CCNH: variants seen among roughly 807,000 people sequenced by gnomAD.
CCNH encodes the protein cyclin H.
A neutral mutation model predicts 41.9 loss-of-function variants in CCNH; 31 were observed. The observed-to-expected ratio is 0.74, with a 90% CI of 0.56 to 1.00. The LOEUF is 1.00. Among genes scored for constraint, CCNH ranks in the 50% least tolerant of loss-of-function variants. CCNH has a pLI of 0.00. For synonymous variants in CCNH, 138 were observed against 136.1 expected, an observed-to-expected ratio of 1.01 and a Z score of -0.10; for missense variants, 362 against 388.4, an observed-to-expected ratio of 0.93 and a Z score of 0.57.
downstream of CCNH, chr5:87,389,409 C>T (rs772714180): frequency 8.1e-6 from 13 of 1,613,942 alleles, no homozygotes; most frequent in East Asian, 6.7e-5. Flanking sequence ...CCTGAACTTC[C>T]GGACACTACA....
chr5:87,379,670 T>A (rs1761571854), upstream of CCNH: 1 of 1,581,678 alleles, frequency 6.3e-7, no homozygotes, highest in Non-Finnish European at 8.6e-7. Context: ...ACTACTTGTT[T>A]TCCTCTATTC....
At chr5:87,394,688 T>G (rs1762778174) in intron 8 of CCNH, 1 of 1,352,146 alleles carries the variant, frequency 7.4e-7, no homozygotes, top group Admixed American at 3.5e-5. Flanking sequence ...AGGTTATGGC[T>G]GTGACCTTTT....
At chr5:87,319,462 C>G (rs546377195) in intron 9 of CCNH, among the ~76,000 whole-genome samples, 8 of 152,126 alleles carry the variant, frequency 5.3e-5, no homozygotes, top group African/African-American at 7.3e-5. Context: ...CAAACCTCTT[C>G]TCTTGCCTTT....
intron 4 of CCNH, among the ~76,000 whole-genome samples, chr5:87,407,218 C>T (rs568369677): frequency 6.6e-6 from 1 of 152,142 alleles, no homozygotes; most frequent in Admixed American, 6.6e-5. Flanking sequence ...AATCTGTTAT[C>T]TCCCTCTAAA....
intron 9 of CCNH, among the ~76,000 whole-genome samples, chr5:87,340,186 G>T (rs977261773): frequency 6.6e-6 from 1 of 152,052 alleles, no homozygotes; most frequent in African/African-American, 2.4e-5. Flanking sequence ...AGATTGCCTT[G>T]TAAAATTTGA....
At chr5:87,370,566 G>C (rs1470857561) in intron 9 of CCNH, among the ~76,000 whole-genome samples, 1 of 152,164 alleles carries the variant, frequency 6.6e-6, no homozygotes, top group Non-Finnish European at 1.5e-5. Flanking sequence ...GTAGAATGAG[G>C]CAGGAAGATT....
chr5:87,409,556 T>C (rs886548362), intron 2 of CCNH, among the ~76,000 whole-genome samples, 193 bp from the exon 3 acceptor site: 4 of 152,162 alleles, frequency 2.6e-5, no homozygotes, highest in African/African-American at 9.7e-5. Flanking sequence ...CAAAAGATTC[T>C]TTCCCATCCT....
intron 9 of CCNH, among the ~76,000 whole-genome samples, chr5:87,342,830 T>A (rs973128461): frequency 1.3e-5 from 2 of 152,166 alleles, no homozygotes; most frequent in African/African-American, 4.8e-5. Flanking sequence ...ACCATAAATC[T>A]AGGTTTTTTT....
At chr5:87,363,897 A>T (rs1760307698) in intron 9 of CCNH, among the ~76,000 whole-genome samples, 1 of 152,100 alleles carries the variant, frequency 6.6e-6, no homozygotes, top group African/African-American at 2.4e-5. Flanking sequence ...AGTTAATGTT[A>T]AAAAATAATC....
chr5:87,409,188 T>C (rs2112580056), intron 3 of CCNH, 102 bp downstream of exon 3: 1 of 573,604 alleles, frequency 1.7e-6, no homozygotes, highest in Non-Finnish European at 3.0e-6. Context: ...AGGAAGTCAG[T>C]TCTCTCTCTC....
intron 9 of CCNH, among the ~76,000 whole-genome samples, chr5:87,321,558 AACACGTTT>A (rs1756807309): frequency 6.6e-6 from 1 of 152,224 alleles, no homozygotes; most frequent in South Asian, 2.1e-4. Context: ...AACTCAGAGA[AACACGTTT>A]ACTGGTTTAT....
intron 9 of CCNH, chr5:87,363,200 G>A: frequency 1.4e-6 from 1 of 729,222 alleles, no homozygotes. Context: ...TTTGTTATAG[G>A]CATTTTCTCA....
At chr5:87,399,577 T>G (rs2112557024) in intron 6 of CCNH, 72 bp from the exon 7 acceptor site, 1 of 947,054 alleles carries the variant, frequency 1.1e-6, no homozygotes, top group South Asian at 1.3e-5. Flanking sequence ...AGCTGGTTAC[T>G]TTTCCATTTT....
intron 9 of CCNH, chr5:87,363,617 C>T: frequency 8.3e-7 from 1 of 1,210,654 alleles, no homozygotes; most frequent in South Asian, 1.3e-5. Context: ...GTAGCAGATG[C>T]ACTTTCTAGG....
chr5:87,370,711 T>C (rs1037153537), intron 9 of CCNH, among the ~76,000 whole-genome samples: 1 of 152,182 alleles, frequency 6.6e-6, no homozygotes, highest in Non-Finnish European at 1.5e-5. Context: ...GAGTATATGG[T>C]TGTATTTTAT....
chr5:87,332,704 G>C, intron 9 of CCNH: 1 of 1,463,040 alleles, frequency 6.8e-7, no homozygotes, highest in Non-Finnish European at 9.5e-7. Flanking sequence ...AATGGTTTTA[G>C]CTATTGCTCA....
At chr5:87,331,294 A>G (rs1757581422) in intron 9 of CCNH, 1 of 1,520,164 alleles carries the variant, frequency 6.6e-7, no homozygotes. Context: ...AAGTGTCCAT[A>G]GAAATTCTGC....
intron 6 of CCNH, among the ~76,000 whole-genome samples, chr5:87,399,883 A>G (rs1482548274): frequency 6.6e-6 from 1 of 152,210 alleles, no homozygotes; most frequent in Non-Finnish European, 1.5e-5. Flanking sequence ...GTAGTATTCT[A>G]TTCCATAGAC....
chr5:87,380,592 T>C (rs1283726095), upstream of CCNH: 1 of 1,609,346 alleles, frequency 6.2e-7, no homozygotes, highest in Non-Finnish European at 8.5e-7. Flanking sequence ...ACAAGAGTTG[T>C]TAGGTAAGGC....
Sources: allele counts gnomAD v4.1 joint callset (sites outside exome capture counted in the v4.1 genomes callset), GRCh38; gene constraint gnomAD v4.1.1; transcripts MANE v1.5; gene names NCBI Gene and HGNC (gene_info 2026-07-23, HGNC 2026-07-21).